The following SHISA9 variants were observed in gnomAD, a reference collection of about 807,000 sequenced individuals.
The protein encoded by SHISA9 is protein shisa-9.
Under a neutral mutation model 38.0 loss-of-function variants are expected in SHISA9, and 13 were observed. That is an observed-to-expected ratio of 0.34 (90% CI 0.22 to 0.54). The LOEUF is 0.54. Ranked by LOEUF, SHISA9 falls within the 20% of genes least tolerant of loss-of-function variation. The pLI, the probability that SHISA9 is intolerant of heterozygous loss-of-function variation, is 0.91. For missense variants in SHISA9, 538 were observed against 575.8 expected, an observed-to-expected ratio of 0.93 and a Z score of 0.67; for synonymous variants, 275 against 242.0, an observed-to-expected ratio of 1.14 and a Z score of -1.27.
chr16:13,150,927 C>A (rs572886135), intron 2 of SHISA9, among the ~76,000 whole-genome samples: 1 of 152,242 alleles, frequency 6.6e-6, no homozygotes, highest in East Asian at 1.9e-4. Context: ...TTTTTGCCCT[C>A]ATCTCAAACC....
At chr16:13,123,392 A>G (rs2050230604) in intron 2 of SHISA9, among the ~76,000 whole-genome samples, 1 of 152,240 alleles carries the variant, frequency 6.6e-6, no homozygotes, top group Non-Finnish European at 1.5e-5. Context: ...AGTCTAATCC[A>G]TTGGGAGTGG....
chr16:13,124,288 G>A (rs542365532), intron 2 of SHISA9, among the ~76,000 whole-genome samples: 7 of 152,292 alleles, frequency 4.6e-5, no homozygotes, highest in Admixed American at 4.6e-4. Flanking sequence ...GGGGGATAAT[G>A]AACAGTCACC....
chr16:13,333,407 G>T, the SHISA9 span, among the ~76,000 whole-genome samples: 1 of 152,110 alleles, frequency 6.6e-6, no homozygotes, highest in Non-Finnish European at 1.5e-5. Flanking sequence ...CTCGTCCTTG[G>T]GTGTACATTT....
chr16:13,203,225 A>G (rs955838423), intron 2 of SHISA9, 169 bp from the exon 3 acceptor site: 3 of 493,508 alleles, frequency 6.1e-6, no homozygotes, highest in Non-Finnish European at 1.0e-5. Context: ...TCTCCAGTGA[A>G]GACTATGAAC....
chr16:13,286,541 AGTTT>A, the SHISA9 span, among the ~76,000 whole-genome samples: 2 of 152,312 alleles, frequency 1.3e-5, no homozygotes, highest in African/African-American at 4.8e-5. Flanking sequence ...TATAACAGCC[AGTTT>A]GTTTGTTCCA....
intron 2 of SHISA9, among the ~76,000 whole-genome samples, chr16:12,958,034 C>A (rs1033946202): frequency 1.3e-5 from 2 of 152,194 alleles, no homozygotes; most frequent in Admixed American, 6.5e-5. Flanking sequence ...TGGTGGTGCA[C>A]ATTCAGTTCA....
At chr16:13,292,704 C>T in the SHISA9 span, among the ~76,000 whole-genome samples, 1 of 152,002 alleles carries the variant, frequency 6.6e-6, no homozygotes. Flanking sequence ...ATCTTCAATA[C>T]AATACAAGGG....
the SHISA9 span, among the ~76,000 whole-genome samples, chr16:13,552,423 C>T: frequency 1.3e-5 from 2 of 152,000 alleles, no homozygotes; most frequent in Non-Finnish European, 2.9e-5. Context: ...GCAGGTGTCA[C>T]GATGCCATTT....
At chr16:13,401,269 C>A in the SHISA9 span, among the ~76,000 whole-genome samples, 3 of 152,294 alleles carry the variant, frequency 2.0e-5, no homozygotes, top group African/African-American at 7.2e-5. Flanking sequence ...ATGAGAAAGC[C>A]AAGGCACAGA....
At chr16:13,216,184 C>CAAAAA (rs929173872) in intron 4 of SHISA9, among the ~76,000 whole-genome samples, 1 of 113,044 alleles carries the variant, frequency 8.8e-6, no homozygotes, top group Non-Finnish European at 1.8e-5. Context: ...GAGACTCTGT[C>CAAAAA]AAAAAAAAAA....
intron 2 of SHISA9, among the ~76,000 whole-genome samples, chr16:13,175,596 T>G (rs1021484945): frequency 7.2e-5 from 11 of 152,148 alleles, no homozygotes; most frequent in South Asian, 6.2e-4. Flanking sequence ...TACTGTGACT[T>G]GTAAGAGAGG....
chr16:13,279,992 C>G, the SHISA9 span, among the ~76,000 whole-genome samples: 2 of 151,730 alleles, frequency 1.3e-5, no homozygotes, highest in African/African-American at 2.4e-5. Context: ...TCTAAGTTAT[C>G]AAATGTGTGA....
At chr16:13,539,719 A>C in the SHISA9 span, among the ~76,000 whole-genome samples, 1 of 152,098 alleles carries the variant, frequency 6.6e-6, no homozygotes, top group Admixed American at 6.6e-5. Flanking sequence ...ATGGAACCCA[A>C]TAGATGGTTT....
At chr16:12,970,921 C>T (rs553944484) in intron 2 of SHISA9, among the ~76,000 whole-genome samples, 3 of 152,094 alleles carry the variant, frequency 2.0e-5, no homozygotes, top group East Asian at 3.9e-4. Context: ...TGCAGTGCCT[C>T]GAACAGTGTC....
At chr16:12,981,671 C>G (rs2072241594) in intron 2 of SHISA9, among the ~76,000 whole-genome samples, 1 of 152,102 alleles carries the variant, frequency 6.6e-6, no homozygotes, top group Non-Finnish European at 1.5e-5. Context: ...TGTCTTCTTG[C>G]CCACAATTCA....
the SHISA9 span, among the ~76,000 whole-genome samples, chr16:13,309,153 C>A: frequency 6.6e-6 from 1 of 151,888 alleles, no homozygotes; most frequent in Non-Finnish European, 1.5e-5. Context: ...TTTCAAGTGC[C>A]TTTAACTTAA....
chr16:12,994,007 A>G (rs532824699), intron 2 of SHISA9, among the ~76,000 whole-genome samples: 158 of 152,306 alleles, frequency 1.0e-3, no homozygotes, highest in African/African-American at 3.7e-3. Context: ...CAGAGACCCT[A>G]TGGAGGTTTA....
rs1596757821 is a variant in SHISA9 at position 13,235,332 on chromosome 16, T to C, written c.1198T>C (p.Leu400=). The C allele has an allele frequency of 6.5e-7, 1 of 1,546,708 alleles. No homozygotes were observed. The highest frequency in any genetic ancestry group is 1.2e-5 in the South Asian group (1 of 84,032). ...GGCCGAGACAGGCTCCAGCGACCCC[T>C]TGGGAACTCGCCCCCAGCACTACCC... is the stretch of plus-strand genomic sequence containing the variant. ...GTAETGSSDP[L]GTRPQHYPPP... is the part of the protein sequence containing the mutation. The change falls in exon 5 of 5, where the codon TTG becomes CTG. Residue 400 remains leucine (L), a synonymous_variant. Transcript: ENST00000558583.
Position 13,123,048 on chromosome 16 carries a change from A to G in SHISA9, c.692-80346A>G, listed in dbSNP as rs114971493. On this transcript the variant is annotated intron_variant, in intron 2 of 4. Coordinates refer to ENST00000558583, the MANE Select transcript of SHISA9 (RefSeq NM_001145204.3). The stretch of plus-strand genomic sequence containing the variant: ...GGCGACAGAGCAAGACTCCATCTCA[A>G]AAAAGATATTATTATCATTTCTGTT... Among the ~76,000 whole-genome samples the G allele has an allele frequency of 3.5e-3, 526 of 152,354 alleles. 5 individuals are homozygous for G. Among genetic ancestry groups the G allele is most frequent in the African/African-American group, 0.012 (491 of 41,590 alleles).
Sources: gnomAD v4.1 joint callset for allele counts (sites outside exome capture counted in the v4.1 genomes callset) on GRCh38, gnomAD v4.1.1 for gene constraint, MANE v1.5 for transcripts, NCBI Gene and HGNC (gene_info 2026-07-23, HGNC 2026-07-21) for gene names.